Variants in UPB1 observed in about 807,000 individuals in gnomAD.
UPB1 encodes beta-ureidopropionase 1.
Under a neutral mutation model 49.1 loss-of-function variants are expected in UPB1, and 40 were observed. The observed-to-expected ratio is 0.81, with a 90% CI of 0.63 to 1.06. The LOEUF (loss-of-function observed/expected upper bound fraction) is 1.06. Among genes scored for constraint, UPB1 ranks in the 50% least tolerant of loss-of-function variants. The probability of loss-of-function intolerance (pLI) is 0.00; values close to 1 mark genes in which losing one functional copy is unlikely to be tolerated. For missense variants in UPB1, 499 were observed against 505.9 expected (o/e 0.99, Z 0.13); for synonymous variants, 207 against 198.2 (o/e 1.04, Z -0.38).
At chr22:24,513,979 G>A (rs540930272) in intron 5 of UPB1, among the ~76,000 whole-genome samples, 69 of 152,248 alleles carry the variant, frequency 4.5e-4, no homozygotes, top group African/African-American at 1.5e-3. Flanking sequence ...ATGCATGTCT[G>A]TATACTGTGC....
intron 1 of UPB1, among the ~76,000 whole-genome samples, chr22:24,499,077 TGAC>T (rs913154779): frequency 1.3e-5 from 2 of 152,094 alleles, no homozygotes; most frequent in Non-Finnish European, 2.9e-5. Flanking sequence ...AAGGGAACCT[TGAC>T]TACTTGAAAA....
intron 9 of UPB1, among the ~76,000 whole-genome samples, chr22:24,525,032 AT>A (rs1221171929): frequency 6.6e-6 from 1 of 152,162 alleles, no homozygotes; most frequent in Non-Finnish European, 1.5e-5. Flanking sequence ...TGAATGTAGG[AT>A]TCCACCCAAA....
At chr22:24,521,179 C>CAAA (rs34276962) in intron 7 of UPB1, among the ~76,000 whole-genome samples, 3,241 of 62,568 alleles carry the variant, frequency 0.052, 208 homozygotes, top group African/African-American at 0.15. Context: ...GAGACTCTGT[C>CAAA]AAAAAAAAAA....
intron 7 of UPB1, among the ~76,000 whole-genome samples, 185 bp downstream of exon 7, chr22:24,520,653 C>G (rs1350396225): frequency 6.6e-6 from 1 of 152,158 alleles, no homozygotes; most frequent in African/African-American, 2.4e-5. Context: ...TGGCTGAAGC[C>G]CTTTTGAAAA....
rs2044437823 is a variant in UPB1, at chr22:24,523,778, G to T, written c.1071+5G>T. The T allele has an allele frequency of 6.2e-7, 1 of 1,614,210 alleles. No individual in the cohort carries two copies. The highest frequency in any genetic ancestry group is 8.5e-7 in the Non-Finnish European group (1 of 1,180,044). ...AATGATGTCTGGAACTTCAAGGTAG[G>T]TCCCCAGGACCCCTGTTGTTGCCTG... On this transcript the variant is annotated splice_donor_5th_base_variant and intron_variant, in intron 9 of 9. Coordinates refer to ENST00000326010, the MANE Select transcript of UPB1 (RefSeq NM_016327.3).
At chr22:24,525,360 A>G (rs1286908294) in intron 9 of UPB1, among the ~76,000 whole-genome samples, 4 of 152,122 alleles carry the variant, frequency 2.6e-5, no homozygotes, top group Non-Finnish European at 4.4e-5. Flanking sequence ...AGCCTTTTCT[A>G]CAACTGGCTA....
chr22:24,520,174 T>A, intron 6 of UPB1: 1 of 616,618 alleles, frequency 1.6e-6, no homozygotes, highest in Non-Finnish European at 2.9e-6. Flanking sequence ...GGCAAGGTGC[T>A]GAGGACAGGC....
At chr22:24,501,731 A>G (rs2043997034) in intron 2 of UPB1, among the ~76,000 whole-genome samples, 1 of 152,226 alleles carries the variant, frequency 6.6e-6, no homozygotes, top group East Asian at 1.9e-4. Context: ...TAAGTGTGGA[A>G]CCAGGCTTGC....
chr22:24,502,714 A>AGCTAGTTCCTTTGGAATTTACGAT (rs1382030803), intron 3 of UPB1: 42 of 575,380 alleles, frequency 7.3e-5, no homozygotes. Flanking sequence ...ATCAACACTG[A>AGCTAGTTCCTTTGGAATTTACGAT]GCTAGTTCCT....
chr22:24,513,958 A>T (rs2044250036), intron 5 of UPB1, among the ~76,000 whole-genome samples: 1 of 152,098 alleles, frequency 6.6e-6, no homozygotes, highest in Non-Finnish European at 1.5e-5. Flanking sequence ...GTCAGGTGGC[A>T]GTAGGCAAAC....
At chr22:24,511,193 A>C (rs2044194477) in intron 4 of UPB1, among the ~76,000 whole-genome samples, 1 of 152,202 alleles carries the variant, frequency 6.6e-6, no homozygotes, top group South Asian at 2.1e-4. Flanking sequence ...TGCATGCTCC[A>C]CTGCAGTTTG....
intron 6 of UPB1, among the ~76,000 whole-genome samples, chr22:24,517,883 G>T (rs1053327217): frequency 6.6e-6 from 1 of 152,202 alleles, no homozygotes; most frequent in Non-Finnish European, 1.5e-5. Context: ...GAGGAGGGAA[G>T]GCCAGGCACA....
rs761851663 is a variant in UPB1 at position 24,500,188 on chromosome 22, G to A, written c.186G>A (p.Ala62=). The part of the protein sequence containing the change: ...FELQGYAFEA[A]EEQLRRPRIV... ...TGCAGGGATATGCCTTTGAAGCAGC[G>A]GAGGAGCAGCTGAGACGACCCCGCA... Residue 62 remains alanine (A), a synonymous_variant, in exon 2 of 10, where the codon GCG becomes GCA. Coordinates refer to ENST00000326010, the MANE Select transcript of UPB1 (RefSeq NM_016327.3). 11 of 1,614,202 alleles carry A rather than the reference G, an allele frequency of 6.8e-6. No homozygotes were observed. The Admixed American group carries it at 1.0e-4, about 15-fold the overall frequency.
At chr22:24,521,201 G>GAAAATT (rs1568995772) in intron 7 of UPB1, among the ~76,000 whole-genome samples, 1 of 137,410 alleles carries the variant, frequency 7.3e-6, no homozygotes. Context: ...AAAAAAAAAG[G>GAAAATT]CCAGGTGCGG....
rs1409844162 is a variant in UPB1, at chr22:24,509,360, T to TTG, written c.365-1389_365-1388insTG. On this transcript the variant is annotated intron_variant, in intron 3 of 9. Transcript: ENST00000326010. ...AATCTGTGTGTATGTACCTACTGTTTGAAAAAAAAAAAAAAAAAAAAAAAA... is the reference window on the plus strand; with the variant it reads ...AATCTGTGTGTATGTACCTACTGTTTTGGAAAAAAAAAAAAAAAAAAAAAAAA... Among the ~76,000 whole-genome samples the TTG allele has an allele frequency of 3.8e-4, 29 of 77,002 alleles. 1 individual carries two copies. The highest frequency in any genetic ancestry group is 1.7e-3 in the African/African-American group (29 of 16,636). 50.5% of individuals were successfully genotyped at this position (77,002 alleles called of 152,430 possible).
At chr22:24,509,361 G>GAAAAAAAAAAAAAAAAAA (rs202081655) in intron 3 of UPB1, among the ~76,000 whole-genome samples, 24 of 92,170 alleles carry the variant, frequency 2.6e-4, no homozygotes, top group South Asian at 4.5e-4. Flanking sequence ...CCTACTGTTT[G>GAAAAAAAAAAAAAAAAAA]AAAAAAAAAA....
intron 3 of UPB1, among the ~76,000 whole-genome samples, chr22:24,507,804 A>C (rs558574939): frequency 9.2e-5 from 14 of 152,100 alleles, no homozygotes; most frequent in African/African-American, 1.4e-4. Context: ...CAGATAACTC[A>C]TACATGTTCA....
At chr22:24,510,022 C>T (rs186410549) in intron 3 of UPB1, among the ~76,000 whole-genome samples, 314 of 152,228 alleles carry the variant, frequency 2.1e-3, no homozygotes, top group Middle Eastern at 6.8e-3. Flanking sequence ...CACCTGAGGT[C>T]GGGAGTTCAA....
In UPB1 at chr22:24,495,652, T is replaced by A. The variant is rs2043856764; in HGVS notation, c.104+145T>A. The A allele has an allele frequency of 1.5e-5, 13 of 849,120 alleles. 1 individual carries two copies. In the South Asian group the frequency reaches 1.8e-4, roughly 12 times the overall value. The allele number at this position is 849,120 out of a possible 1,614,324, so 52.6% of individuals were successfully genotyped here. A position where few individuals can be genotyped will look rare whatever the true frequency, so the allele number is the denominator to read the frequency against. On this transcript the variant is annotated intron_variant, in intron 1 of 9. Transcript: ENST00000326010. ...GTTGGCGGGCAGAGACCATAGTAGG[T>A]CTTGATGGGACGGCCCCGGGGTCCT...
Sources: gnomAD v4.1 joint callset for allele counts (sites outside exome capture counted in the v4.1 genomes callset) on GRCh38, gnomAD v4.1.1 for gene constraint, MANE v1.5 for transcripts, NCBI Gene and HGNC (gene_info 2026-07-23, HGNC 2026-07-21) for gene names.